UNC13B: variants seen among roughly 807,000 people sequenced by gnomAD.
UNC13B encodes unc-13 homolog B, also known as protein unc-13 homolog B.
In UNC13B, 144 loss-of-function variants were observed where a neutral mutation model predicts 211.0. That is an observed-to-expected ratio of 0.68 (90% CI 0.60 to 0.78). The LOEUF is 0.78. Among genes scored for constraint, UNC13B ranks in the 30% least tolerant of loss-of-function variants. The pLI is 0.00. For synonymous variants in UNC13B, 709 were observed against 725.8 expected (o/e 0.98, Z 0.37); for missense variants, 1,777 against 2,002.0 (o/e 0.89, Z 2.14).
At chr9:35,242,779 T>C (rs1231727396) in intron 5 of UNC13B, among the ~76,000 whole-genome samples, 1 of 152,204 alleles carries the variant, frequency 6.6e-6, no homozygotes, top group Non-Finnish European at 1.5e-5. Context: ...AGATCCTGCT[T>C]TCACCTCTTT....
At chr9:35,287,220 G>C (rs943469878) in intron 7 of UNC13B, among the ~76,000 whole-genome samples, 1 of 150,612 alleles carries the variant, frequency 6.6e-6, no homozygotes, top group Admixed American at 6.6e-5. Context: ...GCAACAACCA[G>C]CTCCTGGGTT....
chr9:35,285,433 A>C (rs1828735338), intron 7 of UNC13B, among the ~76,000 whole-genome samples: 1 of 152,212 alleles, frequency 6.6e-6, no homozygotes, highest in African/African-American at 2.4e-5. Context: ...TTAAAATTAA[A>C]AGATGGCCAG....
chr9:35,364,750 CCTTG>C (rs1833668580), intron 11 of UNC13B, among the ~76,000 whole-genome samples: 2 of 152,122 alleles, frequency 1.3e-5, no homozygotes, highest in Admixed American at 6.6e-5. Context: ...TGTGCATGCT[CCTTG>C]CTTGTGTGTG....
Position 35,385,754 on chromosome 9 carries a change from C to G in UNC13B, c.10906C>G (p.Leu3636Val). Residue 3636 changes from leucine to valine, a missense_variant, in exon 23 of 40, where the codon CTT becomes GTT. Physicochemically the swap from Leu to Val is conservative, Grantham distance 32. Transcript: ENST00000635942. Reference sequence around the variant, plus strand: ...TTTCCCTGCTGGGAGTCCTGAACGGCTTCAGGACTTAAAATCCACAGTGGA... The same window carrying G: ...TTTCCCTGCTGGGAGTCCTGAACGGGTTCAGGACTTAAAATCCACAGTGGA... ...NNFPAGSPER[L>V]QDLKSTVDLL... 1 of 1,609,916 alleles carries G rather than the reference C, an allele frequency of 6.2e-7. No individual in the cohort carries two copies. Among genetic ancestry groups the G allele is most frequent in the South Asian group, 1.1e-5 (1 of 90,922 alleles).
At chr9:35,367,017 C>T in intron 12 of UNC13B, 24 bp downstream of exon 12, 1 of 1,608,624 alleles carries the variant, frequency 6.2e-7, no homozygotes, top group Non-Finnish European at 8.5e-7. Flanking sequence ...TGCAAGGTTT[C>T]TGTGGATTTT....
chr9:35,172,904 T>G (rs748528954), intron 1 of UNC13B, among the ~76,000 whole-genome samples: 1 of 152,174 alleles, frequency 6.6e-6, no homozygotes, highest in Non-Finnish European at 1.5e-5. Context: ...TTAGGAAATA[T>G]AGGTTTCCAA....
chr9:35,316,143 C>T (rs757628548), intron 11 of UNC13B, among the ~76,000 whole-genome samples: 7 of 152,106 alleles, frequency 4.6e-5, no homozygotes, highest in Non-Finnish European at 7.3e-5. Context: ...GCTAAGTAGC[C>T]GTCTCCTATC....
intron 1 of UNC13B, among the ~76,000 whole-genome samples, chr9:35,193,876 C>G (rs1203000700): frequency 6.6e-6 from 1 of 152,106 alleles, no homozygotes; most frequent in Non-Finnish European, 1.5e-5. Context: ...TGGTAAAGGA[C>G]TGACAATGTG....
At chr9:35,347,930 G>A (rs1832470159) in intron 11 of UNC13B, among the ~76,000 whole-genome samples, 1 of 152,050 alleles carries the variant, frequency 6.6e-6, no homozygotes, top group South Asian at 2.1e-4. Context: ...AAGGTGTCCG[G>A]GAAATGAGGC....
intron 11 of UNC13B, among the ~76,000 whole-genome samples, chr9:35,334,895 G>A (rs1009471377): frequency 2.0e-5 from 3 of 152,050 alleles, no homozygotes; most frequent in East Asian, 1.9e-4. Flanking sequence ...AAAATTATCC[G>A]GGCTTGGTGG....
intron 1 of UNC13B, among the ~76,000 whole-genome samples, chr9:35,166,242 TGTG>T (rs1821032365): frequency 1.3e-5 from 2 of 151,940 alleles, no homozygotes; most frequent in South Asian, 4.2e-4. Flanking sequence ...ATTAGCCAGG[TGTG>T]GTGGTGCTCA....
intron 1 of UNC13B, among the ~76,000 whole-genome samples, chr9:35,209,977 T>C (rs1186328246): frequency 6.6e-6 from 1 of 152,178 alleles, no homozygotes; most frequent in African/African-American, 2.4e-5. Flanking sequence ...TGTTGGCTCA[T>C]GCTTGTAATC....
intron 3 of UNC13B, among the ~76,000 whole-genome samples, chr9:35,231,927 G>A (rs1204329072): frequency 1.3e-5 from 2 of 151,862 alleles, no homozygotes; most frequent in African/African-American, 2.4e-5. Flanking sequence ...AAATCATTTA[G>A]CTTCATAGGG....
chr9:35,198,964 A>G (rs912074442), intron 1 of UNC13B, among the ~76,000 whole-genome samples: 1 of 151,964 alleles, frequency 6.6e-6, no homozygotes, highest in Non-Finnish European at 1.5e-5. Context: ...GCGCCCGTTA[A>G]CTCATCATTT....
chr9:35,227,974 T>C (rs1334112978), intron 1 of UNC13B, 41 bp from the exon 2 acceptor site: 1 of 1,597,582 alleles, frequency 6.3e-7, no homozygotes, highest in Non-Finnish European at 8.6e-7. Flanking sequence ...TAAAATGAAC[T>C]TGGAAACATT....
chr9:35,366,851 A>G (rs1587708266), intron 11 of UNC13B, 96 bp from the exon 12 acceptor site: 1 of 1,051,752 alleles, frequency 9.5e-7, no homozygotes, highest in East Asian at 2.4e-5. Flanking sequence ...TGTGACTTAC[A>G]CTGCTCTGGG....
At chr9:35,235,892 G>A (rs1449596966) in intron 3 of UNC13B, among the ~76,000 whole-genome samples, 1 of 152,096 alleles carries the variant, frequency 6.6e-6, no homozygotes, top group Non-Finnish European at 1.5e-5. Context: ...TTATTACTTG[G>A]CCTCATATTG....
At chr9:35,168,932 T>G (rs1821192949) in intron 1 of UNC13B, among the ~76,000 whole-genome samples, 1 of 152,108 alleles carries the variant, frequency 6.6e-6, no homozygotes, top group South Asian at 2.1e-4. Context: ...CTCAGTCTCC[T>G]AAAGTGTTGG....
At chr9:35,399,508 G>T in intron 35 of UNC13B, 60 bp downstream of exon 35, 2 of 1,611,570 alleles carry the variant, frequency 1.2e-6, no homozygotes, top group Middle Eastern at 1.7e-4. Flanking sequence ...TGGAGAGAGG[G>T]TGGCTGCGGG....
Sources: gnomAD v4.1 joint callset for allele counts (sites outside exome capture counted in the v4.1 genomes callset) on GRCh38, gnomAD v4.1.1 for gene constraint, MANE v1.5 for transcripts, NCBI Gene and HGNC (gene_info 2026-07-23, HGNC 2026-07-21) for gene names.